The following OCA2 variants were observed in gnomAD, a reference collection of about 807,000 sequenced individuals.
The protein encoded by OCA2 is P protein.
A neutral mutation model predicts 100.2 loss-of-function variants in OCA2; 77 were observed. That is an observed-to-expected ratio of 0.77 (90% CI 0.64 to 0.93). OCA2 has a LOEUF of 0.93. OCA2 is among the 40% of genes least tolerant of loss of function. The pLI is 0.00. For synonymous variants in OCA2, 432 were observed against 439.2 expected (o/e 0.98, Z 0.21); for missense variants, 1,062 against 1,089.1 (o/e 0.98, Z 0.35).
intron 1 of OCA2, among the ~76,000 whole-genome samples, chr15:28,090,519 G>A (rs539156636): frequency 3.3e-5 from 5 of 152,186 alleles, no homozygotes; most frequent in Admixed American, 2.6e-4. Context: ...CAATGCAATC[G>A]AATCAGAAAT....
chr15:27,822,366 A>T (rs1189977510), intron 23 of OCA2, among the ~76,000 whole-genome samples: 3 of 152,188 alleles, frequency 2.0e-5, no homozygotes, highest in African/African-American at 7.2e-5. Flanking sequence ...TATATTGTAT[A>T]TCTAATTTTT....
chr15:27,821,398 A>G (rs2151271746), intron 23 of OCA2, among the ~76,000 whole-genome samples: 1 of 152,266 alleles, frequency 6.6e-6, no homozygotes, highest in Admixed American at 6.5e-5. Context: ...TTACATTTAC[A>G]CCCACATGGG....
chr15:28,004,465 C>T (rs769371444), intron 9 of OCA2, among the ~76,000 whole-genome samples: 11 of 152,172 alleles, frequency 7.2e-5, no homozygotes, highest in Non-Finnish European at 1.0e-4. Context: ...GCACCCGGAC[C>T]GTCTGGCACA....
rs755512569 is a variant in OCA2 at position 27,805,346 on chromosome 15, G to A, written c.2432+39613C>T. Among the ~76,000 whole-genome samples, 6 of 152,376 alleles carry A rather than the reference G, an allele frequency of 3.9e-5. No individual in the cohort carries two copies. In the East Asian group the frequency reaches 5.8e-4, roughly 15 times the overall value. On this transcript the variant is annotated intron_variant, in intron 23 of 23. Transcript: ENST00000354638. ...GGGCTGCTCCCGCAGGCAGGGAACC[G>A]CGAAGGAGGCCTGGGCTGGGCTGCG...
chr15:27,730,582 CCTTGGTGT>C, the OCA2 span, among the ~76,000 whole-genome samples: 8,958 of 151,828 alleles, frequency 0.059, 794 homozygotes, highest in African/African-American at 0.2. Flanking sequence ...TCTAATCACG[CCTTGGTGT>C]TGCTGGCAGC....
chr15:27,738,870 T>C, the OCA2 span, among the ~76,000 whole-genome samples: 1 of 151,942 alleles, frequency 6.6e-6, no homozygotes, highest in African/African-American at 2.4e-5. Context: ...TTATGTGTGT[T>C]GTACATCTAC....
At chr15:27,934,783 G>A (rs1043978563) in intron 18 of OCA2, among the ~76,000 whole-genome samples, 9 of 152,172 alleles carry the variant, frequency 5.9e-5, no homozygotes, top group Non-Finnish European at 1.3e-4. Context: ...ACTTCAGAAA[G>A]TTTCCATAGT....
intron 2 of OCA2, among the ~76,000 whole-genome samples, chr15:28,059,135 G>T (rs1477921545): frequency 1.3e-5 from 2 of 152,222 alleles, no homozygotes; most frequent in Non-Finnish European, 1.5e-5. Flanking sequence ...TTGAAAGCCT[G>T]CCCTGTCCAC....
chr15:27,984,551 T>A (rs889109320), intron 13 of OCA2, among the ~76,000 whole-genome samples: 4 of 150,630 alleles, frequency 2.7e-5, no homozygotes, highest in African/African-American at 9.7e-5. Context: ...GGTGAGCCAT[T>A]TTTTGTTTGT....
intron 18 of OCA2, among the ~76,000 whole-genome samples, chr15:27,943,156 C>T (rs757014020): frequency 2.0e-5 from 3 of 152,164 alleles, no homozygotes; most frequent in African/African-American, 4.8e-5. Context: ...AACCAACTGA[C>T]GGACCCCCTC....
intron 14 of OCA2, among the ~76,000 whole-genome samples, chr15:27,970,946 G>A (rs2040763254): frequency 6.6e-6 from 1 of 151,440 alleles, no homozygotes; most frequent in Non-Finnish European, 1.5e-5. Flanking sequence ...CAGTACGGCA[G>A]GGAAAGCCTG....
intron 18 of OCA2, among the ~76,000 whole-genome samples, chr15:27,948,454 G>T (rs2039918379): frequency 6.6e-6 from 1 of 151,870 alleles, no homozygotes; most frequent in Admixed American, 6.6e-5. Context: ...TTTGTTTTTT[G>T]GGGTTTTTTT....
chr15:28,061,469 T>A (rs1310600343), intron 2 of OCA2, among the ~76,000 whole-genome samples: 1 of 152,166 alleles, frequency 6.6e-6, no homozygotes, highest in Non-Finnish European at 1.5e-5. Context: ...CATATTATAT[T>A]CTTTTAAATG....
chr15:27,989,007 G>A lies in OCA2; in HGVS notation c.1182+594C>T, dbSNP rs140087026. The stretch of plus-strand genomic sequence containing the variant: ...TAGCCCAGAGAGGAAGAGCCCTCCT[G>A]CAGACCACTGGACTGTTTGGGGTCT... On this transcript the variant is annotated intron_variant, in intron 11 of 23. Transcript: ENST00000354638. Among the ~76,000 whole-genome samples the A allele has an allele frequency of 8.5e-3, 1,300 of 152,296 alleles. 22 individuals are homozygous for A. The highest frequency in any genetic ancestry group is 0.03 in the African/African-American group (1,232 of 41,566).
intron 1 of OCA2, among the ~76,000 whole-genome samples, chr15:28,091,307 A>C (rs954162966): frequency 1.3e-5 from 2 of 152,238 alleles, no homozygotes; most frequent in Non-Finnish European, 2.9e-5. Context: ...GGTATACCTC[A>C]TCAGTGAGTT....
chr15:28,070,171 A>G (rs1490255969), intron 2 of OCA2, among the ~76,000 whole-genome samples: 8 of 104,956 alleles, frequency 7.6e-5, no homozygotes, highest in African/African-American at 3.2e-4. Context: ...CCTGGCAACC[A>G]CCCCGTCTGA....
At chr15:28,011,638 C>T (rs553598157) in intron 9 of OCA2, among the ~76,000 whole-genome samples, 2 of 152,092 alleles carry the variant, frequency 1.3e-5, no homozygotes, top group South Asian at 2.1e-4. Context: ...AAAACTGGCC[C>T]GGCACAGTGG....
chr15:28,045,188 ACT>A (rs1411128892), intron 2 of OCA2, among the ~76,000 whole-genome samples: 1 of 151,842 alleles, frequency 6.6e-6, no homozygotes, highest in Non-Finnish European at 1.5e-5. Flanking sequence ...ATTAGTTATA[ACT>A]CTTTTTTATT....
intron 23 of OCA2, among the ~76,000 whole-genome samples, chr15:27,812,061 G>A (rs188500243): frequency 1.3e-5 from 2 of 152,060 alleles, no homozygotes; most frequent in East Asian, 1.9e-4. Context: ...CATAAATAAC[G>A]TCCACAAAAA....
Sources: allele counts gnomAD v4.1 joint callset (sites outside exome capture counted in the v4.1 genomes callset), GRCh38; gene constraint gnomAD v4.1.1; transcripts MANE v1.5; gene names NCBI Gene and HGNC (gene_info 2026-07-23, HGNC 2026-07-21).